The following CSMD1 variants were observed in gnomAD, a reference collection of about 807,000 sequenced individuals.
CSMD1 encodes the protein CUB and Sushi multiple domains 1, also known as CUB and sushi domain-containing protein 1.
Under a neutral mutation model 417.5 loss-of-function variants are expected in CSMD1, and 213 were observed. That is an observed-to-expected ratio of 0.51 (90% CI 0.46 to 0.57). The LOEUF is 0.57. Ranked by LOEUF, CSMD1 falls within the 20% of genes least tolerant of loss-of-function variation. The pLI is 0.00. For missense variants in CSMD1, 6,923 were observed against 4,529.7 expected (o/e 1.53, Z -15.17); for synonymous variants, 2,862 against 1,736.8 (o/e 1.65, Z -16.11).
At chr8:3,403,748 G>T (rs926739223) in intron 15 of CSMD1, among the ~76,000 whole-genome samples, 1 of 152,096 alleles carries the variant, frequency 6.6e-6, no homozygotes, top group East Asian at 1.9e-4. Flanking sequence ...GCTAGAATAC[G>T]ATTTGCACCT....
chr8:4,339,108 A>C (rs768724576), intron 3 of CSMD1, among the ~76,000 whole-genome samples: 2 of 152,118 alleles, frequency 1.3e-5, no homozygotes, highest in Non-Finnish European at 2.9e-5. Context: ...AAAAGAGCTC[A>C]TCTCTGAGGC....
chr8:3,329,360 G>T, intron 23 of CSMD1, among the ~76,000 whole-genome samples: 1 of 152,054 alleles, frequency 6.6e-6, no homozygotes, highest in Non-Finnish European at 1.5e-5. Flanking sequence ...ACAGAGCCCA[G>T]TTCTGCAGGA....
chr8:4,382,096 C>T (rs1803142934), intron 3 of CSMD1, among the ~76,000 whole-genome samples: 1 of 152,148 alleles, frequency 6.6e-6, no homozygotes, highest in African/African-American at 2.4e-5. Flanking sequence ...TGACACATAG[C>T]ACTGTAATTA....
intron 12 of CSMD1, among the ~76,000 whole-genome samples, chr8:3,442,200 T>A (rs543715650): frequency 4.6e-4 from 69 of 150,176 alleles, no homozygotes; most frequent in African/African-American, 1.7e-3. Context: ...TTTTAAAAAA[T>A]GAAAAGGTTT....
At chr8:3,685,244 A>G (rs918926577) in intron 7 of CSMD1, among the ~76,000 whole-genome samples, 2 of 152,168 alleles carry the variant, frequency 1.3e-5, no homozygotes, top group African/African-American at 4.8e-5. Context: ...GTGACTATAA[A>G]ATAAAGTTGC....
chr8:4,179,507 C>G (rs1198617476), intron 3 of CSMD1, among the ~76,000 whole-genome samples: 1 of 150,646 alleles, frequency 6.6e-6, no homozygotes, highest in Non-Finnish European at 1.5e-5. Context: ...CCATTCAGGA[C>G]GTAGGCATGG....
intron 18 of CSMD1, among the ~76,000 whole-genome samples, chr8:3,372,099 CTG>C (rs983816332): frequency 2.2e-4 from 34 of 152,186 alleles, no homozygotes; most frequent in African/African-American, 7.7e-4. Context: ...TGACACATGA[CTG>C]TGAAGAAAAT....
intron 3 of CSMD1, among the ~76,000 whole-genome samples, chr8:4,418,201 G>A (rs192768035): frequency 7.9e-5 from 12 of 151,664 alleles, no homozygotes; most frequent in African/African-American, 2.4e-4. Flanking sequence ...ATTTCAAATC[G>A]AAATACCACA....
At chr8:4,012,394 A>C (rs188254564) in intron 4 of CSMD1, among the ~76,000 whole-genome samples, 84 of 152,154 alleles carry the variant, frequency 5.5e-4, no homozygotes, top group African/African-American at 1.6e-3. Context: ...GATCTCATCC[A>C]GTTTGCGTCG....
At chr8:3,331,426 C>G (rs1806889983) in intron 23 of CSMD1, among the ~76,000 whole-genome samples, 1 of 152,108 alleles carries the variant, frequency 6.6e-6, no homozygotes, top group Non-Finnish European at 1.5e-5. Flanking sequence ...GCGGTGAAAA[C>G]ACAGAATGCT....
At chr8:3,710,738 C>G (rs1801458926) in intron 6 of CSMD1, among the ~76,000 whole-genome samples, 1 of 152,186 alleles carries the variant, frequency 6.6e-6, no homozygotes, top group African/African-American at 2.4e-5. Context: ...ATCCTCCAAC[C>G]TTCCAAAAGC....
At chr8:3,592,274 T>C (rs888979411) in intron 8 of CSMD1, among the ~76,000 whole-genome samples, 2 of 152,154 alleles carry the variant, frequency 1.3e-5, no homozygotes, top group South Asian at 2.1e-4. Context: ...TATATCTTTC[T>C]GTGTTAAAAA....
intron 28 of CSMD1, among the ~76,000 whole-genome samples, chr8:3,221,145 A>G (rs1297691920): frequency 1.3e-5 from 2 of 152,208 alleles, no homozygotes; most frequent in African/African-American, 2.4e-5. Context: ...CCACTGCACC[A>G]TGAAGGGGAA....
chr8:3,255,667 C>T (rs963852644), intron 26 of CSMD1, among the ~76,000 whole-genome samples: 3 of 152,222 alleles, frequency 2.0e-5, no homozygotes, highest in African/African-American at 4.8e-5. Flanking sequence ...CCCTCTGAGC[C>T]ATGCACGGGA....
chr8:4,315,174 C>G (rs1297033051), intron 3 of CSMD1, among the ~76,000 whole-genome samples: 1 of 152,190 alleles, frequency 6.6e-6, no homozygotes, highest in Admixed American at 6.5e-5. Flanking sequence ...ACAGATGACA[C>G]TTTCTGCCCA....
At chr8:3,973,894 G>T (rs7816801) in intron 5 of CSMD1, among the ~76,000 whole-genome samples, 1 of 151,972 alleles carries the variant, frequency 6.6e-6, no homozygotes, top group South Asian at 2.1e-4. Context: ...ATATTGATGG[G>T]TTACATGAAA....
At chr8:3,359,064 C>G in intron 21 of CSMD1, 88 bp downstream of exon 21, 3 of 1,302,994 alleles carry the variant, frequency 2.3e-6, no homozygotes, top group Non-Finnish European at 3.3e-6. Context: ...TCAACAAACC[C>G]CCACCCGACC....
chr8:3,655,041 T>A (rs533658615), intron 7 of CSMD1, among the ~76,000 whole-genome samples: 2 of 152,302 alleles, frequency 1.3e-5, no homozygotes, highest in East Asian at 3.9e-4. Flanking sequence ...TTAAAATATA[T>A]CAGTTAAAGA....
In CSMD1 at chr8:4,499,357, G is replaced by A. The variant is rs1463150539; in HGVS notation, c.303-79292C>T. Among the ~76,000 whole-genome samples the A allele has an allele frequency of 2.6e-5, 4 of 152,258 alleles. No homozygotes were observed. In the East Asian group the frequency reaches 7.7e-4, roughly 29 times the overall value. On this transcript the variant is annotated intron_variant, in intron 2 of 69. Transcript: ENST00000635120. ...ATATGGGGAAGTGTGAGCTCTTCCT[G>A]GTACAATACAAGCAGGCAAGTCTGC...
Sources: gnomAD v4.1 joint callset for allele counts (sites outside exome capture counted in the v4.1 genomes callset) on GRCh38, gnomAD v4.1.1 for gene constraint, MANE v1.5 for transcripts, NCBI Gene and HGNC (gene_info 2026-07-23, HGNC 2026-07-21) for gene names.